Variants in HMGB1 observed in about 807,000 individuals in gnomAD.
HMGB1 encodes the protein high mobility group protein B1.
For synonymous variants in HMGB1, 81 were observed against 84.0 expected, an observed-to-expected ratio of 0.96 and a Z score of 0.19; for missense variants, 79 against 253.5, an observed-to-expected ratio of 0.31 and a Z score of 4.67.
rs551851745 is a variant in HMGB1, at chr13:30,561,778, G to A, written c.-15+54893C>T. Among the ~76,000 whole-genome samples, 26 of 152,222 alleles carry A rather than the reference G, an allele frequency of 1.7e-4. 1 individual carries two copies. The South Asian group carries it at 5.4e-3, about 32-fold the overall frequency. ...CATAAGCATGATTTAAATGCTGCTG[G>A]GATGGAGTTCACAGACCTGGAAGAC... On this transcript the variant is annotated intron_variant, in intron 1 of 4. Transcript: ENST00000405805.
At chr13:30,470,409 A>T (rs75918219), upstream of HMGB1, among the ~76,000 whole-genome samples, 1,498 of 152,348 alleles carry the variant, frequency 9.8e-3, 7 homozygotes, top group Non-Finnish European at 0.016. Flanking sequence ...ACTAAGATTG[A>T]GGATAGGTGC....
intron 1 of HMGB1, among the ~76,000 whole-genome samples, chr13:30,526,067 T>C (rs1425382933): frequency 6.6e-6 from 1 of 152,062 alleles, no homozygotes; most frequent in Non-Finnish European, 1.5e-5. Context: ...CTTTTATTTC[T>C]TTTTTTTGAG....
intron 1 of HMGB1, among the ~76,000 whole-genome samples, chr13:30,485,947 C>T (rs936885886): frequency 1.2e-4 from 19 of 152,136 alleles, no homozygotes; most frequent in African/African-American, 4.6e-4. Context: ...GTGCCTTGCC[C>T]GGGGCCATAC....
intron 1 of HMGB1, among the ~76,000 whole-genome samples, chr13:30,583,839 AAAAGAAAGAAAGAAAG>A (rs753686706): frequency 2.2e-5 from 3 of 137,666 alleles, no homozygotes; most frequent in East Asian, 2.0e-4. Context: ...AAAAAAAAAA[AAAAGAAAGAAAGAAAG>A]AAAGAAAGAA....
At chr13:30,553,643 C>A (rs1032653124) in intron 1 of HMGB1, 4 of 675,878 alleles carry the variant, frequency 5.9e-6, no homozygotes, top group Non-Finnish European at 1.1e-5. Flanking sequence ...TCTTCCATTT[C>A]TCTTAAGATT....
chr13:30,458,122 T>C lies in HMGB1; in HGVS notation c.*3235A>G, dbSNP rs1462593618. 2 of 152,146 alleles carry C rather than the reference T, an allele frequency of 1.3e-5. No individual in the cohort carries two copies. Among genetic ancestry groups the C allele is most frequent in the African/African-American group, 2.4e-5 (1 of 41,428 alleles). 9.4% of individuals were successfully genotyped at this position (152,146 alleles called of 1,614,324 possible). ...AATTTGCAGATACCTTACCATCACATGCAAGTGTCTTACTGCTACTGAAAG... is the reference window on the plus strand; with the variant it reads ...AATTTGCAGATACCTTACCATCACACGCAAGTGTCTTACTGCTACTGAAAG... On this transcript the variant is annotated 3_prime_UTR_variant, in exon 5 of 5. Transcript: ENST00000341423.
At chr13:30,613,401 C>CA (rs926615732) in intron 1 of HMGB1, among the ~76,000 whole-genome samples, 43 of 152,206 alleles carry the variant, frequency 2.8e-4, no homozygotes, top group African/African-American at 9.9e-4. Flanking sequence ...ATATTATTGG[C>CA]AAAAAATTTT....
chr13:30,465,209 G>GCGACCGGGCCGAGGC, intron 1 of HMGB1: 1 of 755,054 alleles, frequency 1.3e-6, no homozygotes, highest in Non-Finnish European at 1.6e-6. Context: ...CGCCGCCGCC[G>GCGACCGGGCCGAGGC]CGACCGGGCC....
At chr13:30,516,197 A>T (rs1888098345) in intron 1 of HMGB1, among the ~76,000 whole-genome samples, 1 of 152,246 alleles carries the variant, frequency 6.6e-6, no homozygotes, top group African/African-American at 2.4e-5. Flanking sequence ...AATTTGGGAA[A>T]TGCTGGCCTG....
At chr13:30,522,204 C>T (rs888534536) in intron 1 of HMGB1, among the ~76,000 whole-genome samples, 4 of 150,652 alleles carry the variant, frequency 2.7e-5, no homozygotes, top group Non-Finnish European at 5.9e-5. Flanking sequence ...TCTTGAACTC[C>T]TGGACTCAAG....
At chr13:30,595,750 T>C (rs1351742538) in intron 1 of HMGB1, among the ~76,000 whole-genome samples, 1 of 152,162 alleles carries the variant, frequency 6.6e-6, no homozygotes, top group Non-Finnish European at 1.5e-5. Flanking sequence ...AAGTTACTGC[T>C]GGGTGCTGGG....
intron 1 of HMGB1, among the ~76,000 whole-genome samples, chr13:30,538,399 T>G (rs1012680673): frequency 1.3e-5 from 2 of 152,202 alleles, no homozygotes; most frequent in Non-Finnish European, 1.5e-5. Flanking sequence ...TCTGAGGGTA[T>G]GACTTCAATA....
chr13:30,557,452 G>T (rs1294245818), intron 1 of HMGB1, among the ~76,000 whole-genome samples: 1 of 152,112 alleles, frequency 6.6e-6, no homozygotes, highest in Admixed American at 6.6e-5. Flanking sequence ...CTTGATTAGG[G>T]AGCAAGCCTC....
intron 1 of HMGB1, among the ~76,000 whole-genome samples, chr13:30,575,761 A>C (rs377062688): frequency 5.9e-5 from 9 of 152,320 alleles, no homozygotes; most frequent in South Asian, 2.1e-4. Flanking sequence ...ACATTTAAAA[A>C]TGTGTGCTTA....
chr13:30,538,919 T>C (rs1456182158), intron 1 of HMGB1, among the ~76,000 whole-genome samples: 1 of 151,924 alleles, frequency 6.6e-6, no homozygotes, highest in Non-Finnish European at 1.5e-5. Context: ...TTTTTTGAGA[T>C]GGAGTCTCGC....
At chr13:30,520,293 GC>G (rs1176150422) in intron 1 of HMGB1, among the ~76,000 whole-genome samples, 1 of 151,960 alleles carries the variant, frequency 6.6e-6, no homozygotes, top group East Asian at 1.9e-4. Flanking sequence ...CTACACTCCA[GC>G]CTGGGCAACA....
intron 1 of HMGB1, among the ~76,000 whole-genome samples, chr13:30,524,123 G>A (rs572034734): frequency 6.6e-6 from 1 of 151,962 alleles, no homozygotes; most frequent in African/African-American, 2.4e-5. Context: ...TCACTCGTAA[G>A]GGGGAGTTGA....
intron 1 of HMGB1, chr13:30,464,221 C>A: frequency 2.0e-6 from 2 of 985,348 alleles, no homozygotes; most frequent in Non-Finnish European, 2.4e-6. Flanking sequence ...AAAGAGGGAG[C>A]AGCAGCCAGC....
chr13:30,463,940 ACCCATACAGTATT>A, intron 1 of HMGB1: 1 of 391,414 alleles, frequency 2.6e-6, no homozygotes, highest in Non-Finnish European at 4.2e-6. Flanking sequence ...ACAAAGATAT[ACCCATACAGTATT>A]CCCTATCTAT....
Sources: allele counts gnomAD v4.1 joint callset (sites outside exome capture counted in the v4.1 genomes callset), GRCh38; gene constraint gnomAD v4.1.1; transcripts MANE v1.5; gene names NCBI Gene and HGNC (gene_info 2026-07-23, HGNC 2026-07-21).